The following GTF2E2 variants were observed in gnomAD, a reference collection of about 807,000 sequenced individuals.
The protein encoded by GTF2E2 is general transcription factor IIE subunit 2.
Under a neutral mutation model 40.5 loss-of-function variants are expected in GTF2E2, and 21 were observed. The ratio of observed to expected loss-of-function variants is 0.52; its 90% CI spans 0.37 to 0.75. The LOEUF is 0.75. Ranked by LOEUF, GTF2E2 falls within the 30% of genes least tolerant of loss-of-function variation. GTF2E2 has a pLI of 0.00. For synonymous variants in GTF2E2, 117 were observed against 121.6 expected, an observed-to-expected ratio of 0.96 and a Z score of 0.25; for missense variants, 298 against 338.4, an observed-to-expected ratio of 0.88 and a Z score of 0.94.
At chr8:30,611,074 A>G (rs1211265538) in intron 5 of GTF2E2, among the ~76,000 whole-genome samples, 1 of 152,232 alleles carries the variant, frequency 6.6e-6, no homozygotes, top group Non-Finnish European at 1.5e-5. Context: ...GCTAAGTGAA[A>G]TAAGCCAGTC....
intron 6 of GTF2E2, among the ~76,000 whole-genome samples, chr8:30,595,886 GAGAAA>G (rs1008216703): frequency 9.2e-5 from 14 of 152,150 alleles, no homozygotes; most frequent in East Asian, 7.7e-4. Flanking sequence ...AAGAAAAGAA[GAGAAA>G]AGAAAAGAAA....
rs534696700 is a variant in GTF2E2 at position 30,651,312 on chromosome 8, AACT to A, written c.166+2118_166+2120del. The stretch of plus-strand genomic sequence containing the variant: ...AAAATCCTAGGGAAACCACACAAAA[AACT>A]ACGAGAAATAAAAAACAAGTTCAGT... On this transcript the variant is annotated intron_variant, in intron 2 of 7. Transcript: ENST00000355904. Among the ~76,000 whole-genome samples the A allele has an allele frequency of 5.7e-3, 862 of 152,254 alleles. 4 individuals carry two copies. Among genetic ancestry groups the A allele is most frequent in the South Asian group, 0.014 (70 of 4,830 alleles).
At chr8:30,625,458 C>T (rs1033136640) in intron 3 of GTF2E2, among the ~76,000 whole-genome samples, 2 of 152,058 alleles carry the variant, frequency 1.3e-5, no homozygotes, top group African/African-American at 2.4e-5. Flanking sequence ...AAAAAATAAA[C>T]ATTTTCTAAA....
intron 3 of GTF2E2, among the ~76,000 whole-genome samples, chr8:30,625,325 C>G (rs950319929): frequency 1.3e-5 from 2 of 152,004 alleles, no homozygotes. Context: ...TATTGACTTG[C>G]GTATGTTGAA....
intron 2 of GTF2E2, among the ~76,000 whole-genome samples, chr8:30,648,380 C>T (rs1037419820): frequency 6.6e-5 from 10 of 152,232 alleles, no homozygotes; most frequent in African/African-American, 2.2e-4. Flanking sequence ...AAAATCACAG[C>T]TGTATGAAGA....
chr8:30,609,048 C>T (rs998238422), intron 5 of GTF2E2, among the ~76,000 whole-genome samples: 24 of 152,166 alleles, frequency 1.6e-4, no homozygotes, highest in Middle Eastern at 3.4e-3. Flanking sequence ...TGCACTCGGC[C>T]GAGGTCAGGA....
chr8:30,596,638 T>TA (rs1313358162), intron 6 of GTF2E2, among the ~76,000 whole-genome samples: 3 of 152,188 alleles, frequency 2.0e-5, no homozygotes, highest in Admixed American at 6.6e-5. Flanking sequence ...AATTTGGTCT[T>TA]AAAAGTGTCC....
chr8:30,635,904 T>C (rs1313819600), intron 2 of GTF2E2, among the ~76,000 whole-genome samples: 1 of 152,066 alleles, frequency 6.6e-6, no homozygotes, highest in African/African-American at 2.4e-5. Flanking sequence ...TAATGGAAAC[T>C]AATAGAAAAA....
chr8:30,645,132 T>C, intron 2 of GTF2E2: 2 of 680,224 alleles, frequency 2.9e-6, no homozygotes, highest in South Asian at 2.0e-5. Flanking sequence ...TTGGCCCAGA[T>C]ATACAAAAAA....
chr8:30,645,321 C>T lies in GTF2E2; in HGVS notation c.166+8112G>A, dbSNP rs563897619. Reference sequence around the variant, plus strand: ...TGGAATCTCTAAGAATGGCTTCCAGCCACTGGAATGAAACCACTACCTCTG... The same window carrying T: ...TGGAATCTCTAAGAATGGCTTCCAGTCACTGGAATGAAACCACTACCTCTG... On this transcript the variant is annotated intron_variant, in intron 2 of 7. Coordinates refer to ENST00000355904, the MANE Select transcript of GTF2E2 (RefSeq NM_002095.6). 54 of 1,535,142 alleles carry T rather than the reference C, an allele frequency of 3.5e-5. No individual in the cohort carries two copies. In the South Asian group the frequency reaches 5.8e-4, roughly 17 times the overall value.
intron 5 of GTF2E2, among the ~76,000 whole-genome samples, chr8:30,610,139 T>C (rs926645405): frequency 1.3e-5 from 2 of 152,110 alleles, no homozygotes; most frequent in African/African-American, 4.8e-5. Context: ...GATTTCAAAA[T>C]ATATTACAGA....
At chr8:30,581,224 A>G (rs1371741443) in intron 6 of GTF2E2, among the ~76,000 whole-genome samples, 18 of 152,156 alleles carry the variant, frequency 1.2e-4, no homozygotes, top group Admixed American at 1.2e-3. Context: ...GGCTTCACAG[A>G]GCCTCACACT....
At chr8:30,641,308 G>A (rs1801816443) in intron 2 of GTF2E2, among the ~76,000 whole-genome samples, 1 of 152,178 alleles carries the variant, frequency 6.6e-6, no homozygotes, top group South Asian at 2.1e-4. Flanking sequence ...GCATGTAAGT[G>A]CCTTTGGAGG....
At chr8:30,636,736 C>T (rs1422086172) in intron 2 of GTF2E2, among the ~76,000 whole-genome samples, 2 of 151,928 alleles carry the variant, frequency 1.3e-5, no homozygotes, top group Admixed American at 6.6e-5. Context: ...CATAATGGCA[C>T]GTGCCTGTAG....
chr8:30,657,498 G>T (rs1802483470), intron 1 of GTF2E2: 1 of 152,336 alleles, frequency 6.6e-6, no homozygotes, highest in African/African-American at 2.4e-5. Context: ...TGGGGAGGTG[G>T]GCGAAAAGGG....
intron 3 of GTF2E2, among the ~76,000 whole-genome samples, chr8:30,620,985 A>G (rs1176637248): frequency 6.6e-6 from 1 of 151,970 alleles, no homozygotes; most frequent in Admixed American, 6.6e-5. Context: ...AGTGCAGTAG[A>G]CTTTTGGATA....
rs1828428850 is a variant in GTF2E2 at position 30,578,836 on chromosome 8, AG to A, written c.*84del. On this transcript the variant is annotated 3_prime_UTR_variant, in exon 8 of 8. Coordinates refer to ENST00000355904, the MANE Select transcript of GTF2E2 (RefSeq NM_002095.6). ...CTCTCCTCAGCCGCAAGAAGCAGATAGGAAGACAGTCTTCAGACCCCGAGCA... is the reference window on the plus strand; with the variant it reads ...CTCTCCTCAGCCGCAAGAAGCAGATAGAAGACAGTCTTCAGACCCCGAGCA... 7 of 771,744 alleles carry A rather than the reference AG, an allele frequency of 9.1e-6. No homozygotes were observed. In the Admixed American group the frequency reaches 1.3e-4, roughly 14 times the overall value. The allele number at this position is 771,744 out of a possible 1,614,324, so 47.8% of individuals were successfully genotyped here.
chr8:30,628,958 C>T (rs544254790), intron 3 of GTF2E2, among the ~76,000 whole-genome samples: 25 of 151,802 alleles, frequency 1.6e-4, no homozygotes, highest in Non-Finnish European at 2.6e-4. Context: ...ATTTTACCAG[C>T]AACTTTTTCT....
At chr8:30,600,028 A>C (rs1301158236) in intron 6 of GTF2E2, among the ~76,000 whole-genome samples, 4 of 152,230 alleles carry the variant, frequency 2.6e-5, no homozygotes, top group African/African-American at 9.6e-5. Flanking sequence ...TGAGAGCCCC[A>C]GAGCACAGAC....
Sources: allele counts gnomAD v4.1 joint callset (sites outside exome capture counted in the v4.1 genomes callset), GRCh38; gene constraint gnomAD v4.1.1; transcripts MANE v1.5; gene names NCBI Gene and HGNC (gene_info 2026-07-23, HGNC 2026-07-21).